Variants in XRRA1 observed in about 807,000 individuals in gnomAD.
The protein encoded by XRRA1 is X-ray radiation resistance associated 1.
Under a neutral mutation model 80.2 loss-of-function variants are expected in XRRA1, and 69 were observed. The ratio of observed to expected loss-of-function variants is 0.86; its 90% CI spans 0.71 to 1.05. The LOEUF is 1.05. Ranked by LOEUF, XRRA1 falls within the 50% of genes least tolerant of loss-of-function variation. The pLI is 0.00. For missense variants in XRRA1, 967 were observed against 976.4 expected (o/e 0.99, Z 0.13); for synonymous variants, 348 against 389.9 (o/e 0.89, Z 1.27).
At position 74,848,369 on chromosome 11, in the gene XRRA1, C is replaced by T. The variant is rs1340019253; in HGVS notation, c.1474G>A (p.Glu492Lys). 3.1e-6 allele frequency: 5 copies of T among 1,613,930 alleles called. No homozygotes were observed. The East Asian group carries it at 1.1e-4, about 36-fold the overall frequency. The part of the protein sequence containing the change: ...TTKSPSKDML[E>K]PEAELAEDLP... ...TCTTCAGCCAGCTCTGCCTCTGGCT[C>T]TAGCATATCCTTTGAGGGAGACTTG... The change falls in exon 15 of 19, where the codon GAG (glutamate) becomes AAG (lysine). Residue 492 changes from glutamate to lysine, a missense_variant. Transcript: ENST00000684022.
In XRRA1 at chr11:74,929,837, C is replaced by T. The variant is rs186285107; in HGVS notation, c.424+463G>A. On this transcript the variant is annotated intron_variant, in intron 6 of 18. Transcript: ENST00000684022. ...CTGACCTAACTATCTGTATCTGAGT[C>T]CATCTCTCTCACCAAACCATGAGCT... 1.3e-3 allele frequency among the ~76,000 whole-genome samples: 192 copies of T among 152,300 alleles called. 1 individual carries two copies. The highest frequency in any genetic ancestry group is 4.4e-3 in the African/African-American group (183 of 41,550).
At chr11:74,939,207 C>G (rs1410490832) in intron 3 of XRRA1, among the ~76,000 whole-genome samples, 7 of 152,082 alleles carry the variant, frequency 4.6e-5, no homozygotes, top group Non-Finnish European at 7.4e-5. Flanking sequence ...CAAAAATTAG[C>G]TGGGCATGGT....
At chr11:74,946,417 C>T (rs982497072) in intron 1 of XRRA1, among the ~76,000 whole-genome samples, 3 of 152,182 alleles carry the variant, frequency 2.0e-5, no homozygotes, top group Non-Finnish European at 1.5e-5. Flanking sequence ...TGAGTGAGCT[C>T]TCACGAGATC....
intron 10 of XRRA1, among the ~76,000 whole-genome samples, chr11:74,901,190 C>A (rs2053516780): frequency 6.6e-6 from 1 of 151,952 alleles, no homozygotes; most frequent in Non-Finnish European, 1.5e-5. Context: ...AAAAAGGAAT[C>A]CCATTTACAA....
chr11:74,925,938 G>A (rs537736755), intron 7 of XRRA1, among the ~76,000 whole-genome samples: 5 of 152,110 alleles, frequency 3.3e-5, no homozygotes, highest in Non-Finnish European at 7.3e-5. Context: ...CAAAGGTCAG[G>A]GACATGGCTC....
At chr11:74,943,527 G>GTGTGTGTGTC (rs1208421245) in intron 2 of XRRA1, among the ~76,000 whole-genome samples, 1 of 44,806 alleles carries the variant, frequency 2.2e-5, no homozygotes, top group Non-Finnish European at 5.9e-5. Context: ...GTAGGAGGGT[G>GTGTGTGTGTC]TGTGTGTGTG....
intron 10 of XRRA1, among the ~76,000 whole-genome samples, chr11:74,883,946 G>C (rs12270712): frequency 0.13 from 19,221 of 152,124 alleles, 2,691 homozygotes; most frequent in African/African-American, 0.35. Flanking sequence ...GCCTGTAATC[G>C]CAGCACTTTG....
intron 10 of XRRA1, among the ~76,000 whole-genome samples, chr11:74,878,725 T>C (rs1239010978): frequency 1.3e-5 from 2 of 149,778 alleles, no homozygotes; most frequent in South Asian, 2.1e-4. Context: ...TAGGGAATCC[T>C]TTCCCCATTG....
chr11:74,940,657 G>A (rs1690490426), intron 3 of XRRA1, 128 bp downstream of exon 3: 2 of 744,112 alleles, frequency 2.7e-6, no homozygotes, highest in South Asian at 3.4e-5. Context: ...TACTAGGACT[G>A]GAGGGGGAAG....
chr11:74,863,039 C>T lies in XRRA1; in HGVS notation c.1004-18G>A, dbSNP rs561131402. 3 of 1,597,562 alleles carry T rather than the reference C, an allele frequency of 1.9e-6. No homozygotes were observed. The African/African-American group carries it at 4.0e-5, about 21-fold the overall frequency. On this transcript the variant is annotated intron_variant, in intron 10 of 18. Coordinates refer to ENST00000684022, the MANE Select transcript of XRRA1 (RefSeq NM_001378157.1). The stretch of plus-strand genomic sequence containing the variant: ...CACAACCTCTGAAACAGAAGAGAAA[C>T]AGAATGAAGGTTGGTGAGACCGCTG...
rs1943194520 is a variant in XRRA1, at chr11:74,930,205, C to A, written c.424+95G>T. On this transcript the variant is annotated intron_variant, in intron 6 of 18. Coordinates refer to ENST00000684022, the MANE Select transcript of XRRA1 (RefSeq NM_001378157.1). ...GTACTCCAAAAAAGAGATGTGTGGC[C>A]AATCATAGATGGTTGGACAGACAAA... 3.8e-6 allele frequency: 4 copies of A among 1,045,492 alleles called. No homozygotes were observed. The African/African-American group carries it at 6.5e-5, about 17-fold the overall frequency. 64.8% of individuals were successfully genotyped at this position (1,045,492 alleles called of 1,614,324 possible).
chr11:74,930,127 G>A (rs1053397071), intron 6 of XRRA1, among the ~76,000 whole-genome samples, 173 bp downstream of exon 6: 6 of 152,098 alleles, frequency 3.9e-5, no homozygotes, highest in African/African-American at 9.7e-5. Flanking sequence ...AGTAGGTAGC[G>A]CCAGAGCAGG....
Position 74,930,293 on chromosome 11 carries a change from A to C in XRRA1, c.424+7T>G, listed in dbSNP as rs1183938423. 6.4e-7 allele frequency: 1 copy of C among 1,560,444 alleles called. No homozygotes were observed. The highest frequency in any genetic ancestry group is 8.7e-7 in the Non-Finnish European group (1 of 1,150,794). ...GGAAGAGAGCTTTCAAGAAAGAAAA[A>C]GCTTACCTAGAGGCAGCAGGTTTTC... is the stretch of plus-strand genomic sequence containing the variant. On this transcript the variant is annotated splice_region_variant and intron_variant, in intron 6 of 18. Transcript: ENST00000684022.
rs191564951 is a variant in XRRA1 at position 74,858,048 on chromosome 11, G to A, written c.1170+1110C>T. Among the ~76,000 whole-genome samples, 24 of 152,112 alleles carry A rather than the reference G, an allele frequency of 1.6e-4. 1 individual carries two copies. The highest frequency in any genetic ancestry group is 1.2e-3 in the Admixed American group (19 of 15,276). On this transcript the variant is annotated intron_variant, in intron 12 of 18. Coordinates refer to ENST00000684022, the MANE Select transcript of XRRA1 (RefSeq NM_001378157.1). ...ACTAAAGTTATACTGCCTAAGATGC[G>A]AGAAAAAGAGGAGCAAATTAAAATC... is the stretch of plus-strand genomic sequence containing the variant.
chr11:74,878,925 T>G (rs1180268207), intron 10 of XRRA1, among the ~76,000 whole-genome samples: 1 of 151,906 alleles, frequency 6.6e-6, no homozygotes, highest in Non-Finnish European at 1.5e-5. Flanking sequence ...TCTTTTGGCT[T>G]AGGATTGACT....
intron 10 of XRRA1, among the ~76,000 whole-genome samples, chr11:74,877,572 A>T (rs569673371): frequency 3.9e-4 from 58 of 149,758 alleles, no homozygotes; most frequent in African/African-American, 1.4e-3. Flanking sequence ...CTAACTTGTC[A>T]TCTAGCATTA....
chr11:74,936,524 G>A (rs1945021574), intron 4 of XRRA1, among the ~76,000 whole-genome samples: 1 of 152,180 alleles, frequency 6.6e-6, no homozygotes, highest in Non-Finnish European at 1.5e-5. Flanking sequence ...CTCATATAAT[G>A]TAAAAGTACA....
chr11:74,849,731 G>T (rs955473273), intron 14 of XRRA1, among the ~76,000 whole-genome samples: 1 of 152,190 alleles, frequency 6.6e-6, no homozygotes, highest in Non-Finnish European at 1.5e-5. Context: ...TGCTTCAGTC[G>T]TGGGCTGGAT....
At chr11:74,934,134 A>G (rs904345566) in intron 4 of XRRA1, among the ~76,000 whole-genome samples, 1 of 152,180 alleles carries the variant, frequency 6.6e-6, no homozygotes, top group Non-Finnish European at 1.5e-5. Context: ...ATAAAGTAAG[A>G]TTATCTCCTC....
Sources: gnomAD v4.1 joint callset for allele counts (sites outside exome capture counted in the v4.1 genomes callset) on GRCh38, gnomAD v4.1.1 for gene constraint, MANE v1.5 for transcripts, NCBI Gene and HGNC (gene_info 2026-07-23, HGNC 2026-07-21) for gene names.